MSTO1: variants seen among roughly 807,000 people sequenced by gnomAD.
The protein encoded by MSTO1 is protein misato homolog 1.
A neutral mutation model predicts 55.7 loss-of-function variants in MSTO1; 24 were observed. The ratio of observed to expected loss-of-function variants is 0.43; its 90% CI spans 0.31 to 0.61. The LOEUF is 0.61. Ranked by LOEUF, MSTO1 falls within the 20% of genes least tolerant of loss-of-function variation. MSTO1 has a pLI of 0.09. For synonymous variants in MSTO1, 162 were observed against 252.8 expected (o/e 0.64, Z 3.41); for missense variants, 363 against 625.7 (o/e 0.58, Z 4.48).
chr1:155,569,824 G>A, the MSTO1 span, among the ~76,000 whole-genome samples: 1 of 151,738 alleles, frequency 6.6e-6, no homozygotes, highest in African/African-American at 2.4e-5. Flanking sequence ...AGATTTTGTT[G>A]GATTTTGGAA....
chr1:155,601,209 T>C, the MSTO1 span, among the ~76,000 whole-genome samples: 1 of 150,816 alleles, frequency 6.6e-6, no homozygotes, highest in Admixed American at 6.6e-5. Flanking sequence ...TCTCGGCTCA[T>C]TGCAACCTCC....
chr1:155,599,009 T>C, the MSTO1 span: 1 of 695,410 alleles, frequency 1.4e-6, no homozygotes, highest in Non-Finnish European at 2.3e-6. Flanking sequence ...GGGGATCTGA[T>C]AGCTAAAGGA....
the MSTO1 span, among the ~76,000 whole-genome samples, chr1:155,595,862 T>C: frequency 6.6e-6 from 1 of 152,162 alleles, no homozygotes; most frequent in Non-Finnish European, 1.5e-5. Flanking sequence ...GGGAACTAAC[T>C]TGATTTGTTA....
At chr1:155,595,723 G>A in the MSTO1 span, among the ~76,000 whole-genome samples, 5 of 150,378 alleles carry the variant, frequency 3.3e-5, no homozygotes, top group Non-Finnish European at 1.5e-5. Flanking sequence ...TCGATCTCCC[G>A]ATCTTGGCCT....
upstream of MSTO1, among the ~76,000 whole-genome samples, chr1:155,605,432 C>T (rs1255724282): frequency 6.6e-6 from 1 of 152,090 alleles, no homozygotes; most frequent in Non-Finnish European, 1.5e-5. Context: ...AAAAATATGG[C>T]TTACCAATAT....
chr1:155,565,226 G>A, the MSTO1 span, among the ~76,000 whole-genome samples: 2 of 150,866 alleles, frequency 1.3e-5, no homozygotes, highest in Non-Finnish European at 2.9e-5. Context: ...ACCCAGGAGG[G>A]AGAGGTTGCA....
chr1:155,596,707 A>G, the MSTO1 span, among the ~76,000 whole-genome samples: 1 of 152,160 alleles, frequency 6.6e-6, no homozygotes, highest in Non-Finnish European at 1.5e-5. Flanking sequence ...GGATCACTTG[A>G]GCCCAGGAAG....
chr1:155,581,053 T>C, the MSTO1 span, among the ~76,000 whole-genome samples: 1 of 152,098 alleles, frequency 6.6e-6, no homozygotes, highest in Non-Finnish European at 1.5e-5. Context: ...TACAAAAAAA[T>C]GTCTTTTTAC....
At chr1:155,570,576 A>G in the MSTO1 span, among the ~76,000 whole-genome samples, 1 of 152,172 alleles carries the variant, frequency 6.6e-6, no homozygotes, top group Non-Finnish European at 1.5e-5. Context: ...GCGTTTTATC[A>G]TCTCACTTCA....
the MSTO1 span, among the ~76,000 whole-genome samples, chr1:155,572,916 C>T: frequency 6.6e-6 from 1 of 152,194 alleles, no homozygotes; most frequent in African/African-American, 2.4e-5. Context: ...TCCCAAAGTG[C>T]TCAGATGACA....
chr1:155,611,483 A>G (rs767604566), intron 4 of MSTO1, 66 bp from the exon 5 acceptor site: 5 of 1,613,914 alleles, frequency 3.1e-6, no homozygotes, highest in Middle Eastern at 3.3e-4. Flanking sequence ...CAACTCAAGG[A>G]GGACGAAGCA....
At chr1:155,577,410 G>A in the MSTO1 span, among the ~76,000 whole-genome samples, 1 of 152,148 alleles carries the variant, frequency 6.6e-6, no homozygotes, top group East Asian at 1.9e-4. Context: ...TTTTATACCT[G>A]TAGCTCTTAC....
the MSTO1 span, among the ~76,000 whole-genome samples, chr1:155,585,431 G>A: frequency 2.6e-5 from 4 of 151,588 alleles, no homozygotes; most frequent in African/African-American, 9.7e-5. Flanking sequence ...GCTGAGGCAG[G>A]AGAATTGCTT....
the MSTO1 span, chr1:155,590,967 A>C: frequency 1.2e-6 from 2 of 1,613,860 alleles, no homozygotes; most frequent in African/African-American, 2.7e-5. Flanking sequence ...TGGCCCCAGC[A>C]AGGTAGACCA....
At chr1:155,569,221 C>T in the MSTO1 span, among the ~76,000 whole-genome samples, 1 of 151,348 alleles carries the variant, frequency 6.6e-6, no homozygotes, top group Non-Finnish European at 1.5e-5. Flanking sequence ...CTGCAAGTTC[C>T]ACCTCCCGGG....
chr1:155,601,253 C>T, the MSTO1 span, among the ~76,000 whole-genome samples: 1 of 151,596 alleles, frequency 6.6e-6, no homozygotes, highest in Non-Finnish European at 1.5e-5. Flanking sequence ...CCTGCCTTAG[C>T]CTCCTGAGTA....
At chr1:155,591,063 G>T in the MSTO1 span, 1 of 1,613,770 alleles carries the variant, frequency 6.2e-7, no homozygotes, top group Non-Finnish European at 8.5e-7. Context: ...GCAGTGAGTC[G>T]TACACCTTGC....
At chr1:155,563,880 A>G in the MSTO1 span, 1 of 304,302 alleles carries the variant, frequency 3.3e-6, no homozygotes, top group Non-Finnish European at 6.4e-6. Flanking sequence ...GATGTCGATA[A>G]CGTTTGTGGG....
chr1:155,578,403 G>A, the MSTO1 span, among the ~76,000 whole-genome samples: 2 of 120,750 alleles, frequency 1.7e-5, no homozygotes, highest in Non-Finnish European at 3.2e-5. Context: ...CTGGCGTGCA[G>A]TCTTGGCTCA....
Sources: allele counts gnomAD v4.1 joint callset (sites outside exome capture counted in the v4.1 genomes callset), GRCh38; gene constraint gnomAD v4.1.1; transcripts MANE v1.5; gene names NCBI Gene and HGNC (gene_info 2026-07-23, HGNC 2026-07-21).